Variants in LONP2 observed in about 807,000 individuals in gnomAD.
LONP2 encodes lon peptidase 2, peroxisomal.
In LONP2, 60 loss-of-function variants were observed where a neutral mutation model predicts 85.6. The ratio of observed to expected loss-of-function variants is 0.70; its 90% confidence interval spans 0.57 to 0.87. The LOEUF is 0.87. Among genes scored for constraint, LONP2 ranks in the 40% least tolerant of loss-of-function variants. The pLI, the probability that LONP2 is intolerant of heterozygous loss-of-function variation, is 0.00. For missense variants in LONP2, 860 were observed against 1,063.5 expected, an observed-to-expected ratio of 0.81 and a Z score of 2.66; for synonymous variants, 395 against 389.7, an observed-to-expected ratio of 1.01 and a Z score of -0.16.
chr16:48,359,229 G>T (rs533223803), downstream of LONP2, among the ~76,000 whole-genome samples: 1 of 152,292 alleles, frequency 6.6e-6, no homozygotes, highest in Non-Finnish European at 1.5e-5. Context: ...CTCTCAAAGT[G>T]CTGGGATTAC....
chr16:48,262,799 A>G lies in LONP2; in HGVS notation c.909A>G (p.Ser303=). ...EIKRLKKMPQ[S]MPEYALTRNY... is the part of the protein sequence containing the mutation. ...ACAGACTCAAAAAAATGCCTCAGTCAATGCCAGAATATGCTCTGACTAGAA... is the reference window on the plus strand; with the variant it reads ...ACAGACTCAAAAAAATGCCTCAGTCGATGCCAGAATATGCTCTGACTAGAA... Residue 303 remains serine, a synonymous_variant, in exon 6 of 15, where the codon TCA becomes TCG. Coordinates refer to ENST00000285737, the MANE Select transcript of LONP2 (RefSeq NM_031490.5). The G allele has an allele frequency of 6.2e-7, 1 of 1,611,094 alleles. No individual in the cohort carries two copies. Among genetic ancestry groups the G allele is most frequent in the South Asian group, 1.1e-5 (1 of 90,600 alleles).
rs111253991 is a variant in LONP2 at position 48,354,489 on chromosome 16, G to T, written c.*2687G>T. 6.6e-6 allele frequency: 1 copy of T among 152,132 alleles called. No individual in the cohort carries two copies. Among genetic ancestry groups the T allele is most frequent in the Non-Finnish European group, 1.5e-5 (1 of 68,106 alleles). 9.4% of individuals were successfully genotyped at this position (152,132 alleles called of 1,614,324 possible). A position where few individuals can be genotyped will look rare whatever the true frequency, so the allele number is the denominator to read the frequency against. On this transcript the variant is annotated 3_prime_UTR_variant, in exon 15 of 15. Transcript: ENST00000285737. ...CTCCCAAAATGCTGGCATTACAGGC[G>T]TGAGCCACCACACCCGGCTTACATG...
Position 48,357,052 on chromosome 16 carries a change from G to A in LONP2, c.*5250G>A, listed in dbSNP as rs1040816909. 1.3e-5 allele frequency: 2 copies of A among 152,642 alleles called. No individual in the cohort carries two copies. The highest frequency in any genetic ancestry group is 4.8e-5 in the African/African-American group (2 of 41,444). The allele number at this position is 152,642 out of a possible 1,614,324, so 9.5% of individuals were successfully genotyped here. On this transcript the variant is annotated 3_prime_UTR_variant, in exon 15 of 15. Coordinates refer to ENST00000285737, the MANE Select transcript of LONP2 (RefSeq NM_031490.5). ...TTGTCAAGTTTCTAGAGCTATATAA[G>A]GATAGCGAAAATATTTGGTTCAGCA...
intron 11 of LONP2, among the ~76,000 whole-genome samples, chr16:48,315,142 A>G (rs1973114660): frequency 6.6e-6 from 1 of 152,208 alleles, no homozygotes; most frequent in Admixed American, 6.5e-5. Flanking sequence ...ATCACCTAAT[A>G]TTATAAAATG....
Position 48,317,881 on chromosome 16 carries a change from G to T in LONP2, c.1795+14576G>T, listed in dbSNP as rs142060470. On this transcript the variant is annotated intron_variant, in intron 11 of 14. Coordinates refer to ENST00000285737, the MANE Select transcript of LONP2 (RefSeq NM_031490.5). ...TCTGTCTCCCTCAATGACAATTTTT[G>T]TAGCTCAATATGGATCCTATTTTGT... 2.3e-3 allele frequency among the ~76,000 whole-genome samples: 346 copies of T among 152,312 alleles called. 2 individuals carry two copies. The East Asian group carries it at 0.047, about 20-fold the overall frequency.
At chr16:48,255,991 G>A (rs1053191234) in intron 2 of LONP2, among the ~76,000 whole-genome samples, 8 of 152,088 alleles carry the variant, frequency 5.3e-5, no homozygotes, top group Admixed American at 6.6e-5. Flanking sequence ...CTGATTGGCC[G>A]TGATAATAGC....
intron 11 of LONP2, among the ~76,000 whole-genome samples, chr16:48,309,527 G>A (rs1183896809): frequency 1.3e-5 from 2 of 152,094 alleles, no homozygotes; most frequent in Non-Finnish European, 2.9e-5. Flanking sequence ...ATAGAGTGTG[G>A]AATAATAGAC....
intron 1 of LONP2, among the ~76,000 whole-genome samples, 162 bp from the exon 2 acceptor site, chr16:48,251,969 G>T (rs571462277): frequency 1.1e-4 from 16 of 152,336 alleles, no homozygotes; most frequent in African/African-American, 3.6e-4. Context: ...AGTGGCAGAA[G>T]AGGCCACATA....
rs1004396376 is a variant in LONP2, at chr16:48,351,571, C to G, written c.2338-10C>G. The G allele has an allele frequency of 1.2e-6, 2 of 1,607,248 alleles. No homozygotes were observed. The highest frequency in any genetic ancestry group is 1.7e-5 in the Admixed American group (1 of 58,660). ...TCATTAACCCTAAAAACTTTTTTCT[C>G]TCCTTACAGGTGGGTGGAATTAAAG... is the stretch of plus-strand genomic sequence containing the variant. On this transcript the variant is annotated splice_polypyrimidine_tract_variant and intron_variant, in intron 14 of 14. Transcript: ENST00000285737.
At chr16:48,283,872 T>G (rs1972381462) in intron 8 of LONP2, among the ~76,000 whole-genome samples, 2 of 152,176 alleles carry the variant, frequency 1.3e-5, no homozygotes, top group Admixed American at 1.3e-4. Flanking sequence ...CAGGGCGAAG[T>G]ACATTGAAAA....
chr16:48,336,177 A>G (rs1182209298), intron 12 of LONP2, among the ~76,000 whole-genome samples: 1 of 152,218 alleles, frequency 6.6e-6, no homozygotes, highest in Non-Finnish European at 1.5e-5. Flanking sequence ...ATTTCTGCTG[A>G]TGTTAAGTTT....
chr16:48,263,180 T>C (rs1971914449), intron 6 of LONP2, among the ~76,000 whole-genome samples: 1 of 152,218 alleles, frequency 6.6e-6, no homozygotes, highest in Non-Finnish European at 1.5e-5. Flanking sequence ...ATCATCATTA[T>C]TATTGGCTTT....
At chr16:48,252,410 CT>C (rs1174840566) in intron 2 of LONP2, 45 bp downstream of exon 2, 2 of 1,296,956 alleles carry the variant, frequency 1.5e-6, no homozygotes, top group Non-Finnish European at 2.1e-6. Context: ...TTCTTTGGTT[CT>C]TTTGCTTTCC....
chr16:48,277,354 A>G lies in LONP2; in HGVS notation c.1258A>G (p.Ser420Gly). Residue 420 changes from serine to glycine, a missense_variant, in exon 8 of 15, where the codon AGC becomes GGC. By Grantham distance (56) the Ser-to-Gly change is moderately conservative. This residue lies in a region of LONP2 where 743 missense variants were observed against 917.3 expected (regional missense o/e 0.81). Coordinates refer to ENST00000285737, the MANE Select transcript of LONP2 (RefSeq NM_031490.5). ...IRGHRRTYVG[S>G]MPGRIINGLK... Reference sequence around the variant, plus strand: ...TTTCTCTAGGCGCACCTATGTTGGCAGCATGCCTGGTCGCATCATCAACGG... The same window carrying G: ...TTTCTCTAGGCGCACCTATGTTGGCGGCATGCCTGGTCGCATCATCAACGG... The G allele has an allele frequency of 6.2e-7, 1 of 1,613,532 alleles. No homozygotes were observed.
Position 48,355,826 on chromosome 16 carries a change from G to A in LONP2, c.*4024G>A, listed in dbSNP as rs1960325896. 1 of 152,082 alleles carries A rather than the reference G, an allele frequency of 6.6e-6. No individual in the cohort carries two copies. Among genetic ancestry groups the A allele is most frequent in the Non-Finnish European group, 1.5e-5 (1 of 68,004 alleles). The allele number at this position is 152,082 out of a possible 1,614,324, so 9.4% of individuals were successfully genotyped here. On this transcript the variant is annotated 3_prime_UTR_variant, in exon 15 of 15. Transcript: ENST00000285737. Reference sequence around the variant, plus strand: ...TCAAAATAAGCTGGATTTTTTTATTGAAAATTATTAACTCTAGAAATTTTA... The same window carrying A: ...TCAAAATAAGCTGGATTTTTTTATTAAAAATTATTAACTCTAGAAATTTTA...
At position 48,252,148 on chromosome 16, in the gene LONP2, T is replaced by A; in HGVS notation, c.251T>A (p.Leu84Gln). ...PPLHRIGTAALAVQVVGSNWP... is the reference protein window; with the variant it reads ...PPLHRIGTAAQAVQVVGSNWP... ...TTTTTCAGGATTGGCACAGCTGCAC[T>A]GGCCGTTCAGGTTGTGGGCAGTAAC... is the stretch of plus-strand genomic sequence containing the variant. The change falls in exon 2 of 15, where the codon CTG becomes CAG. Residue 84 changes from leucine (L) to glutamine (Q), a missense_variant. Leu to Gln is a moderately radical substitution (Grantham distance 113). Around this residue, in one of 3 missense-constraint regions of LONP2, gnomAD observed 743 missense variants for 917.3 expected, o/e 0.81. Coordinates refer to ENST00000285737, the MANE Select transcript of LONP2 (RefSeq NM_031490.5). 1 of 1,596,764 alleles carries A rather than the reference T, an allele frequency of 6.3e-7. No individual in the cohort carries two copies.
chr16:48,287,782 A>G (rs1972477948), intron 8 of LONP2, among the ~76,000 whole-genome samples: 1 of 152,094 alleles, frequency 6.6e-6, no homozygotes, highest in African/African-American at 2.4e-5. Context: ...TTGAATAAGC[A>G]CTCCTCAAAT....
chr16:48,258,549 C>G, intron 3 of LONP2, 69 bp from the exon 4 acceptor site: 1 of 1,479,282 alleles, frequency 6.8e-7, no homozygotes. Context: ...TAAACCATGG[C>G]TCTGACTGTC....
rs141945767 is a variant in LONP2 at position 48,254,364 on chromosome 16, A to AT, written c.468+2016dup. ...TGCTGGGAGTGCTCTTCCATCTCTG[A>AT]TTTTTTTTTTTTTTTTTGAAATGGA... On this transcript the variant is annotated intron_variant, in intron 2 of 14. Coordinates refer to ENST00000285737, the MANE Select transcript of LONP2 (RefSeq NM_031490.5). Among the ~76,000 whole-genome samples the AT allele has an allele frequency of 2.8e-3, 386 of 138,748 alleles. 2 individuals carry two copies. The highest frequency in any genetic ancestry group is 7.6e-3 in the South Asian group (33 of 4,330). 91.0% of individuals were successfully genotyped at this position (138,748 alleles called of 152,430 possible). A position where few individuals can be genotyped will look rare whatever the true frequency, so the allele number is the denominator to read the frequency against.
Sources: gnomAD v4.1 joint callset for allele counts (sites outside exome capture counted in the v4.1 genomes callset) on GRCh38, gnomAD v4.1.1 for gene constraint, gnomAD v4.1.1 regional missense constraint, MANE v1.5 for transcripts, NCBI Gene and HGNC (gene_info 2026-07-23, HGNC 2026-07-21) for gene names.